FGF6: variants seen among roughly 807,000 people sequenced by gnomAD.
FGF6 encodes the protein fibroblast growth factor 6.
In FGF6, 14 loss-of-function variants were observed where a neutral mutation model predicts 18.4. The ratio of observed to expected loss-of-function variants is 0.76; its 90% CI spans 0.50 to 1.19. The LOEUF (loss-of-function observed/expected upper bound fraction) is 1.19. FGF6 is among the 50% of genes most tolerant of loss of function. The pLI, the probability that FGF6 is intolerant of heterozygous loss-of-function variation, is 0.00. For missense variants in FGF6, 266 were observed against 271.6 expected, an observed-to-expected ratio of 0.98 and a Z score of 0.15; for synonymous variants, 125 against 116.7, an observed-to-expected ratio of 1.07 and a Z score of -0.46.
At chr12:4,438,756 A>G in intron 2 of FGF6, among the ~76,000 whole-genome samples, 1 of 144,798 alleles carries the variant, frequency 6.9e-6, no homozygotes, top group Non-Finnish European at 1.5e-5. Flanking sequence ...TATCTCAAAA[A>G]AAAAAAAAAA....
intron 2 of FGF6, 64 bp from the exon 3 acceptor site, chr12:4,434,455 C>T: frequency 1.3e-6 from 2 of 1,554,004 alleles, no homozygotes; most frequent in Non-Finnish European, 1.8e-6. Flanking sequence ...CAGATGCCAG[C>T]TGGGCCGCAG....
chr12:4,435,761 C>T (rs1316737701), intron 2 of FGF6, among the ~76,000 whole-genome samples: 3 of 152,174 alleles, frequency 2.0e-5, no homozygotes, highest in Admixed American at 1.3e-4. Context: ...CTTCCTGTCA[C>T]ATGAACGCTG....
At chr12:4,439,618 G>A (rs1163250539) in intron 2 of FGF6, among the ~76,000 whole-genome samples, 1 of 151,586 alleles carries the variant, frequency 6.6e-6, no homozygotes, top group East Asian at 1.9e-4. Context: ...CTGGTCATTC[G>A]ATTTTGGATC....
intron 2 of FGF6, among the ~76,000 whole-genome samples, chr12:4,442,827 G>T (rs1393516026): frequency 6.6e-6 from 1 of 152,198 alleles, no homozygotes; most frequent in Non-Finnish European, 1.5e-5. Context: ...GTGTAACATG[G>T]GGAGTGGGTG....
chr12:4,440,564 A>G (rs1439757811), intron 2 of FGF6, among the ~76,000 whole-genome samples: 1 of 152,214 alleles, frequency 6.6e-6, no homozygotes. Context: ...TTTAGCTGAA[A>G]TATCATCAGC....
chr12:4,438,671 G>T (rs1865651547), intron 2 of FGF6, among the ~76,000 whole-genome samples: 1 of 136,116 alleles, frequency 7.3e-6, no homozygotes, highest in Non-Finnish European at 1.5e-5. Flanking sequence ...TAAGGCAGGG[G>T]AATCTCTTGG....
At chr12:4,437,195 T>G (rs1434326576) in intron 2 of FGF6, among the ~76,000 whole-genome samples, 1 of 152,224 alleles carries the variant, frequency 6.6e-6, no homozygotes, top group Non-Finnish European at 1.5e-5. Context: ...GAACAATGCT[T>G]GCTATACAGT....
chr12:4,440,510 C>A (rs982045190), intron 2 of FGF6, among the ~76,000 whole-genome samples: 1 of 152,222 alleles, frequency 6.6e-6, no homozygotes, highest in Non-Finnish European at 1.5e-5. Context: ...AATTCTTTGT[C>A]CTAAGACTTT....
chr12:4,435,949 C>T (rs1384844332), intron 2 of FGF6, among the ~76,000 whole-genome samples: 3 of 151,970 alleles, frequency 2.0e-5, no homozygotes, highest in East Asian at 3.9e-4. Flanking sequence ...GCCAGAGACC[C>T]GGGATCTACT....
At chr12:4,436,766 T>A (rs958603450) in intron 2 of FGF6, among the ~76,000 whole-genome samples, 1 of 152,238 alleles carries the variant, frequency 6.6e-6, no homozygotes, top group African/African-American at 2.4e-5. Context: ...TTTCCCCATC[T>A]TCTTCTCTCA....
intron 2 of FGF6, among the ~76,000 whole-genome samples, chr12:4,442,343 T>TC (rs1865702129): frequency 6.6e-6 from 1 of 152,122 alleles, no homozygotes; most frequent in African/African-American, 2.4e-5. Context: ...TATATTCCCT[T>TC]CCCGAGCCTT....
At chr12:4,444,352 T>C (rs2241278) in intron 1 of FGF6, 116 bp from the exon 2 acceptor site, 566,762 of 675,952 alleles carry the variant, frequency 0.84, 242,879 homozygotes, top group Non-Finnish European at 0.91. Context: ...GACTCTCCAT[T>C]GCCCCATCCA....
At chr12:4,443,987 G>C in intron 2 of FGF6, 146 bp downstream of exon 2, 2 of 599,848 alleles carry the variant, frequency 3.3e-6, no homozygotes, top group Non-Finnish European at 6.0e-6. Context: ...AAGCTGCAAG[G>C]CCCCTCCCTT....
In FGF6 at chr12:4,445,122, C is replaced by A. The variant is rs1865741848; in HGVS notation, c.346+103G>T. 3.0e-6 allele frequency: 3 copies of A among 997,632 alleles called. No individual in the cohort carries two copies. Among genetic ancestry groups the A allele is most frequent in the South Asian group, 3.2e-5 (2 of 63,034 alleles). 61.8% of individuals were successfully genotyped at this position (997,632 alleles called of 1,614,324 possible). A position where few individuals can be genotyped will look rare whatever the true frequency, so the allele number is the denominator to read the frequency against. ...TAAGTGGTGAGCAGCATTTCTGCCC[C>A]CTTTATCGTGCATCCTGTCCGCTAG... On this transcript the variant is annotated intron_variant, in intron 1 of 2. Transcript: ENST00000228837. This position sits in a 1 kb window ranked among gnomAD's most constrained non-coding sequence, Gnocchi z 5.5.
Position 4,441,039 on chromosome 12 carries a change from G to A in FGF6, c.450+3094C>T, listed in dbSNP as rs566436184. The stretch of plus-strand genomic sequence containing the variant: ...CTGTTGACGAAAAGCATGTAAATGC[G>A]GCTCTTCTTAGTAAAACTGAAATCA... On this transcript the variant is annotated intron_variant, in intron 2 of 2. Coordinates refer to ENST00000228837, the MANE Select transcript of FGF6 (RefSeq NM_020996.3). 7.5e-4 allele frequency among the ~76,000 whole-genome samples: 115 copies of A among 152,324 alleles called. No homozygotes were observed. In the Middle Eastern group the frequency reaches 0.01, roughly 14 times the overall value.
Position 4,445,457 on chromosome 12 carries a change from CGAGGGCACCACCATGCCCACTAGGA to C in FGF6, c.89_113del (p.Ile30SerfsTer28). The C allele has an allele frequency of 2.5e-6, 4 of 1,613,198 alleles. No homozygotes were observed. The highest frequency in any genetic ancestry group is 3.4e-6 in the Non-Finnish European group (4 of 1,179,948). ...TGTTGTTGGCACGGGTGCCTGCAGG[CGAGGGCACCACCATGCCCACTAGGA>C]TGCCTAGGAAGACGAGAGCCCACAG... On this transcript the variant is annotated frameshift_variant, in exon 1 of 3. Transcript: ENST00000228837. LOFTEE classifies it high-confidence loss of function. This position sits in a 1 kb window ranked among gnomAD's most constrained non-coding sequence, Gnocchi z 5.5.
At chr12:4,444,283 G>A in intron 1 of FGF6, 47 bp from the exon 2 acceptor site, 3 of 1,347,722 alleles carry the variant, frequency 2.2e-6, no homozygotes, top group Non-Finnish European at 3.2e-6. Context: ...GTGCAAATCA[G>A]AGTGGGAACT....
chr12:4,444,082 G>C, intron 2 of FGF6, 51 bp downstream of exon 2: 1 of 1,169,308 alleles, frequency 8.6e-7, no homozygotes, highest in Non-Finnish European at 1.3e-6. Context: ...CTTCAACTGT[G>C]TAAGCATCAA....
rs753094266 is a variant in FGF6 at position 4,445,587 on chromosome 12, G to A, written c.-17C>T. On this transcript the variant is annotated 5_prime_UTR_variant, in exon 1 of 3. Transcript: ENST00000228837. This position sits in a 1 kb window ranked among gnomAD's most constrained non-coding sequence, Gnocchi z 5.5. ...CAGGGCCATCCACCTTGCCTCTCAG[G>A]CACGTGGTCAGAATTAATGGCCCTA... 6.4e-7 allele frequency: 1 copy of A among 1,555,102 alleles called. No homozygotes were observed. Among genetic ancestry groups the A allele is most frequent in the South Asian group, 1.2e-5 (1 of 85,382 alleles).
Sources: allele counts gnomAD v4.1 joint callset (sites outside exome capture counted in the v4.1 genomes callset), GRCh38; gene constraint gnomAD v4.1.1; non-coding constraint Gnocchi (gnomAD v3.1); transcripts MANE v1.5; gene names NCBI Gene and HGNC (gene_info 2026-07-23, HGNC 2026-07-21).